The following PCDH15 variants were observed in gnomAD, a reference collection of about 807,000 sequenced individuals.
PCDH15 encodes protocadherin related 15, also known as protocadherin-15.
PCDH15 carries 129 observed loss-of-function variants against 178.5 expected under a neutral mutation model. The observed-to-expected ratio is 0.72, with a 90% CI of 0.63 to 0.84. The LOEUF is 0.84. Ranked by LOEUF, PCDH15 falls within the 40% of genes least tolerant of loss-of-function variation. The pLI, the probability that PCDH15 is intolerant of heterozygous loss-of-function variation, is 0.00. For missense variants in PCDH15, 2,230 were observed against 2,099.9 expected (o/e 1.06, Z -1.21); for synonymous variants, 800 against 732.0 (o/e 1.09, Z -1.50).
intron 1 of PCDH15, chr10:55,248,007 T>G (rs1175163027): frequency 1.3e-5 from 2 of 148,476 alleles, no homozygotes; most frequent in Admixed American, 6.8e-5. Flanking sequence ...ATAGTGTCAC[T>G]ACAGAAACTC....
At chr10:54,808,191 T>A (rs1952808725) in intron 3 of PCDH15, among the ~76,000 whole-genome samples, 1 of 152,214 alleles carries the variant, frequency 6.6e-6, no homozygotes, top group Non-Finnish European at 1.5e-5. Flanking sequence ...CAGTAATCAC[T>A]ATTTTAGGCC....
At chr10:54,756,966 T>A (rs1414129657) in intron 1 of PCDH15, among the ~76,000 whole-genome samples, 1 of 150,472 alleles carries the variant, frequency 6.6e-6, no homozygotes, top group African/African-American at 2.5e-5. Flanking sequence ...CTTCCTATTA[T>A]TGTATTTGAA....
chr10:54,182,350 C>A (rs994324013), intron 13 of PCDH15, among the ~76,000 whole-genome samples: 5 of 152,144 alleles, frequency 3.3e-5, no homozygotes. Flanking sequence ...TACTGCATGG[C>A]TAATATGTCT....
At chr10:54,976,893 C>T (rs957778931) in intron 2 of PCDH15, among the ~76,000 whole-genome samples, 4 of 152,128 alleles carry the variant, frequency 2.6e-5, no homozygotes, top group Non-Finnish European at 5.9e-5. Context: ...CTAAATTCCT[C>T]CCTTAGTTAG....
At chr10:54,530,092 C>A (rs942435798) in intron 2 of PCDH15, among the ~76,000 whole-genome samples, 2 of 151,912 alleles carry the variant, frequency 1.3e-5, no homozygotes, top group Non-Finnish European at 1.5e-5. Context: ...TATTTTTGAA[C>A]CTTTTTACAG....
chr10:55,064,529 A>C (rs144622450), intron 2 of PCDH15, among the ~76,000 whole-genome samples: 1 of 152,160 alleles, frequency 6.6e-6, no homozygotes, highest in African/African-American at 2.4e-5. Context: ...AATTGAAATC[A>C]TTGTCATTTA....
At chr10:55,226,346 G>T (rs1203103907) in intron 1 of PCDH15, among the ~76,000 whole-genome samples, 2 of 151,616 alleles carry the variant, frequency 1.3e-5, no homozygotes, top group African/African-American at 4.9e-5. Context: ...AAACAGAATA[G>T]TTTTTTTGTT....
intron 3 of PCDH15, among the ~76,000 whole-genome samples, chr10:54,887,890 A>G (rs1483956268): frequency 6.6e-6 from 1 of 152,096 alleles, no homozygotes; most frequent in East Asian, 1.9e-4. Context: ...TATCTTGTAC[A>G]TCTTTTACAA....
At chr10:54,314,630 A>AC (rs2061126689) in intron 8 of PCDH15, among the ~76,000 whole-genome samples, 1 of 152,074 alleles carries the variant, frequency 6.6e-6, no homozygotes, top group Non-Finnish European at 1.5e-5. Flanking sequence ...TTATTGCGTC[A>AC]CCCAGTTAGT....
chr10:54,339,160 C>T (rs1301687772), intron 6 of PCDH15, among the ~76,000 whole-genome samples: 1 of 152,166 alleles, frequency 6.6e-6, no homozygotes, highest in Non-Finnish European at 1.5e-5. Flanking sequence ...TGTAAATGTC[C>T]TTAAAACATT....
intron 8 of PCDH15, among the ~76,000 whole-genome samples, chr10:54,287,403 C>A (rs1274268109): frequency 6.6e-6 from 1 of 152,046 alleles, no homozygotes; most frequent in East Asian, 1.9e-4. Flanking sequence ...TTTCATGTAG[C>A]ACATTTCTTT....
At chr10:55,155,224 C>T (rs1239247289) in intron 2 of PCDH15, among the ~76,000 whole-genome samples, 1 of 152,110 alleles carries the variant, frequency 6.6e-6, no homozygotes, top group Admixed American at 6.6e-5. Flanking sequence ...GCAGCAGTTA[C>T]TTCGGTGCAG....
At chr10:54,148,210 GTATTCTATA>G (rs901773467) in intron 14 of PCDH15, among the ~76,000 whole-genome samples, 38 of 151,882 alleles carry the variant, frequency 2.5e-4, no homozygotes, top group African/African-American at 8.9e-4. Flanking sequence ...ATGTATAAAA[GTATTCTATA>G]TATTTCTTCT....
At chr10:53,828,747 T>G (rs1232792521) in intron 30 of PCDH15, among the ~76,000 whole-genome samples, 174 bp from the exon 31 acceptor site, 2 of 151,942 alleles carry the variant, frequency 1.3e-5, no homozygotes, top group Non-Finnish European at 2.9e-5. Flanking sequence ...AAGGTGAAAA[T>G]AGTATCGTTA....
At chr10:55,336,765 T>C (rs1844407381) in intron 2 of PCDH15, among the ~76,000 whole-genome samples, 1 of 152,142 alleles carries the variant, frequency 6.6e-6, no homozygotes, top group Non-Finnish European at 1.5e-5. Flanking sequence ...CAGCTGTCCA[T>C]GAAAAACATA....
chr10:55,624,950 T>C (rs756025249), intron 2 of PCDH15, among the ~76,000 whole-genome samples: 2 of 152,150 alleles, frequency 1.3e-5, no homozygotes, highest in Non-Finnish European at 2.9e-5. Context: ...ACTTTCTCTT[T>C]GTGTAATTTC....
chr10:55,237,374 A>G (rs918352670), intron 1 of PCDH15, among the ~76,000 whole-genome samples: 3 of 152,110 alleles, frequency 2.0e-5, no homozygotes, highest in African/African-American at 7.2e-5. Flanking sequence ...TGTGTATTTC[A>G]TATATTATCT....
chr10:54,176,166 C>T (rs553949764), intron 13 of PCDH15, among the ~76,000 whole-genome samples: 2 of 152,042 alleles, frequency 1.3e-5, no homozygotes, highest in East Asian at 1.9e-4. Flanking sequence ...GAATTAAATT[C>T]TATGGACATT....
intron 2 of PCDH15, among the ~76,000 whole-genome samples, chr10:55,602,306 G>C (rs1843104041): frequency 6.6e-6 from 1 of 151,876 alleles, no homozygotes; most frequent in Admixed American, 6.6e-5. Flanking sequence ...CAGCGAGGCT[G>C]GGGGAGGGGC....
Sources: allele counts gnomAD v4.1 joint callset (sites outside exome capture counted in the v4.1 genomes callset), GRCh38; gene constraint gnomAD v4.1.1; transcripts MANE v1.5; gene names NCBI Gene and HGNC (gene_info 2026-07-23, HGNC 2026-07-21).